Variants in MRPL30 observed in about 807,000 individuals in gnomAD.
MRPL30 encodes large ribosomal subunit protein uL30m.
Under a neutral mutation model 17.2 loss-of-function variants are expected in MRPL30, and 10 were observed. The ratio of observed to expected loss-of-function variants is 0.58; its 90% CI spans 0.36 to 0.99. The LOEUF (loss-of-function observed/expected upper bound fraction) is 0.99. Among genes scored for constraint, MRPL30 ranks in the 50% least tolerant of loss-of-function variants. The pLI is 0.01. For missense variants in MRPL30, 170 were observed against 189.8 expected, an observed-to-expected ratio of 0.90 and a Z score of 0.61; for synonymous variants, 61 against 62.1, an observed-to-expected ratio of 0.98 and a Z score of 0.08.
chr2:99,189,984 G>A (rs1559190069), intron 3 of MRPL30, among the ~76,000 whole-genome samples: 2 of 152,026 alleles, frequency 1.3e-5, no homozygotes, highest in African/African-American at 4.8e-5. Context: ...AATTAGATGG[G>A]TGTTGTGGTA....
intron 1 of MRPL30, among the ~76,000 whole-genome samples, chr2:99,183,740 T>G (rs1253336723): frequency 6.6e-6 from 1 of 152,216 alleles, no homozygotes; most frequent in Admixed American, 6.5e-5. Flanking sequence ...TCATGTTTGG[T>G]ATACCTGTGT....
Position 99,197,760 on chromosome 2 carries a change from C to G in MRPL30, c.*2055C>G, listed in dbSNP as rs2093957274. The G allele has an allele frequency of 6.3e-6, 1 of 157,998 alleles. No individual in the cohort carries two copies. Among genetic ancestry groups the G allele is most frequent in the South Asian group, 2.0e-4 (1 of 4,984 alleles). The allele number at this position is 157,998 out of a possible 1,614,324, so 9.8% of individuals were successfully genotyped here. A position where few individuals can be genotyped will look rare whatever the true frequency, so the allele number is the denominator to read the frequency against. Reference sequence around the variant, plus strand: ...GGCTCAAGTGATCCTCCCACCTCAGCCTCCTGAGCAGCTAGGACTACAGAT... The same window carrying G: ...GGCTCAAGTGATCCTCCCACCTCAGGCTCCTGAGCAGCTAGGACTACAGAT... On this transcript the variant is annotated 3_prime_UTR_variant, in exon 6 of 6. Coordinates refer to ENST00000338148, the MANE Select transcript of MRPL30 (RefSeq NM_145212.4).
At chr2:99,189,508 T>A (rs1312734830) in intron 3 of MRPL30, among the ~76,000 whole-genome samples, 3 of 152,222 alleles carry the variant, frequency 2.0e-5, no homozygotes, top group Non-Finnish European at 4.4e-5. Context: ...TCCCATTGCA[T>A]AGACATACAC....
intron 2 of MRPL30, among the ~76,000 whole-genome samples, chr2:99,187,176 A>G (rs775497651): frequency 7.2e-5 from 11 of 152,198 alleles, no homozygotes; most frequent in Non-Finnish European, 1.2e-4. Flanking sequence ...CCTGTCTTCT[A>G]GTGGTTTATG....
intron 3 of MRPL30, among the ~76,000 whole-genome samples, chr2:99,192,170 C>T (rs1226604700): frequency 2.0e-5 from 3 of 152,148 alleles, no homozygotes; most frequent in South Asian, 2.1e-4. Context: ...GAGTAGAATA[C>T]GGAGTTCAAT....
rs555037458 is a variant in MRPL30 at position 99,185,466 on chromosome 2, G to A, written c.-27-711G>A. Among the ~76,000 whole-genome samples the A allele has an allele frequency of 1.0e-3, 156 of 152,230 alleles. 1 individual carries two copies. The highest frequency in any genetic ancestry group is 3.4e-3 in the Middle Eastern group (1 of 294). On this transcript the variant is annotated intron_variant, in intron 1 of 5. Coordinates refer to ENST00000338148, the MANE Select transcript of MRPL30 (RefSeq NM_145212.4). ...AACGCACGAATTAAGTAACCTGTCCGAGATATACATGTAGTTCATGAACTT... is the reference window on the plus strand; with the variant it reads ...AACGCACGAATTAAGTAACCTGTCCAAGATATACATGTAGTTCATGAACTT...
Position 99,196,017 on chromosome 2 carries a change from G to A in MRPL30, c.*312G>A. 1 of 297,194 alleles carries A rather than the reference G, an allele frequency of 3.4e-6. No homozygotes were observed. The highest frequency in any genetic ancestry group is 2.9e-5 in the South Asian group (1 of 34,294). 18.4% of individuals were successfully genotyped at this position (297,194 alleles called of 1,614,324 possible). On this transcript the variant is annotated 3_prime_UTR_variant, in exon 6 of 6. Transcript: ENST00000338148. ...AATCACTTGAACCCGGGAGGCAGAGGTTGCAGTGAGCTGAGATGGTGCCAC... is the reference window on the plus strand; with the variant it reads ...AATCACTTGAACCCGGGAGGCAGAGATTGCAGTGAGCTGAGATGGTGCCAC...
chr2:99,183,262 A>G (rs1029352470), intron 1 of MRPL30, among the ~76,000 whole-genome samples: 8 of 152,098 alleles, frequency 5.3e-5, no homozygotes, highest in African/African-American at 1.9e-4. Context: ...CTACAAAGAC[A>G]TGAGAGGGTG....
intron 5 of MRPL30, 125 bp from the exon 6 acceptor site, chr2:99,195,448 G>C (rs570780479): frequency 2.7e-6 from 3 of 1,131,890 alleles, no homozygotes; most frequent in Non-Finnish European, 3.8e-6. Flanking sequence ...TTCATGTTGG[G>C]AACATTCAAC....
At chr2:99,181,932 A>G (rs1025075963) in intron 1 of MRPL30, among the ~76,000 whole-genome samples, 2 of 151,356 alleles carry the variant, frequency 1.3e-5, no homozygotes, top group Non-Finnish European at 2.9e-5. Flanking sequence ...AATTGTATAC[A>G]TTGTCGGTTT....
At position 99,199,241 on chromosome 2, in the gene MRPL30, A is replaced by G. The variant is rs1019644693; in HGVS notation, c.*3536A>G. Among the ~76,000 whole-genome samples the G allele has an allele frequency of 6.6e-6, 1 of 152,204 alleles. No homozygotes were observed. The highest frequency in any genetic ancestry group is 2.4e-5 in the African/African-American group (1 of 41,464). ...ATCACACAGCTTGATAAAATTTTCAAGGGTCCAAATTACTGTCTAAACCAT... is the reference window on the plus strand; with the variant it reads ...ATCACACAGCTTGATAAAATTTTCAGGGGTCCAAATTACTGTCTAAACCAT... On this transcript the variant is annotated 3_prime_UTR_variant, in exon 6 of 6. Coordinates refer to ENST00000338148, the MANE Select transcript of MRPL30 (RefSeq NM_145212.4).
intron 1 of MRPL30, among the ~76,000 whole-genome samples, chr2:99,182,334 T>C (rs963583080): frequency 2.0e-5 from 3 of 152,110 alleles, no homozygotes; most frequent in African/African-American, 7.2e-5. Flanking sequence ...GGCGGGAGGA[T>C]CACGAGGTCA....
chr2:99,188,298 T>C (rs769947404), intron 3 of MRPL30, 41 bp downstream of exon 3: 1 of 1,474,820 alleles, frequency 6.8e-7, no homozygotes, highest in Non-Finnish European at 9.2e-7. Context: ...AGTGTTGTTT[T>C]AAAAAATGTT....
chr2:99,190,811 C>A (rs1263354069), intron 3 of MRPL30, among the ~76,000 whole-genome samples: 1 of 152,034 alleles, frequency 6.6e-6, no homozygotes, highest in African/African-American at 2.4e-5. Context: ...GGGCTTCATA[C>A]CTAGGTGATG....
At chr2:99,182,930 A>C (rs557424249) in intron 1 of MRPL30, among the ~76,000 whole-genome samples, 7 of 152,234 alleles carry the variant, frequency 4.6e-5, no homozygotes, top group Non-Finnish European at 1.0e-4. Flanking sequence ...CAGATAATTA[A>C]GTTACGTTAG....
chr2:99,192,415 T>C (rs1315987353), intron 3 of MRPL30, among the ~76,000 whole-genome samples: 5 of 152,164 alleles, frequency 3.3e-5, no homozygotes, highest in Admixed American at 6.6e-5. Context: ...GTCCTAATGG[T>C]CTCCCTTTGC....
At chr2:99,188,495 T>A (rs2093938157) in intron 3 of MRPL30, among the ~76,000 whole-genome samples, 1 of 152,208 alleles carries the variant, frequency 6.6e-6, no homozygotes. Context: ...GTCTACTTAT[T>A]CCTGCTTGTG....
Position 99,186,186 on chromosome 2 carries a change from A to G in MRPL30, c.-18A>G. 1.2e-6 allele frequency: 2 copies of G among 1,613,254 alleles called. No homozygotes were observed. Among genetic ancestry groups the G allele is most frequent in the Non-Finnish European group, 1.7e-6 (2 of 1,179,242 alleles). On this transcript the variant is annotated 5_prime_UTR_variant, in exon 2 of 6. Coordinates refer to ENST00000338148, the MANE Select transcript of MRPL30 (RefSeq NM_145212.4). The stretch of plus-strand genomic sequence containing the variant: ...TTCCTACTTCCCACAGCCTCTAAAG[A>G]GAGCAATCACTACACTTATGGCTGG...
chr2:99,188,655 A>T (rs1259506830), intron 3 of MRPL30, among the ~76,000 whole-genome samples: 1 of 152,058 alleles, frequency 6.6e-6, no homozygotes, highest in Non-Finnish European at 1.5e-5. Context: ...ATTTCTGTGT[A>T]CCTATCATTC....
Sources: gnomAD v4.1 joint callset for allele counts (sites outside exome capture counted in the v4.1 genomes callset) on GRCh38, gnomAD v4.1.1 for gene constraint, MANE v1.5 for transcripts, NCBI Gene and HGNC (gene_info 2026-07-23, HGNC 2026-07-21) for gene names.